Variants in CYTH1 observed in about 807,000 individuals in gnomAD.
CYTH1 encodes the protein cytohesin 1, also known as cytohesin-1.
Under a neutral mutation model 61.8 loss-of-function variants are expected in CYTH1, and 18 were observed. The ratio of observed to expected loss-of-function variants is 0.29; its 90% CI spans 0.20 to 0.43. The LOEUF is 0.43. Among genes scored for constraint, CYTH1 ranks in the 20% least tolerant of loss-of-function variants. The pLI is 1.00. For synonymous variants in CYTH1, 174 were observed against 184.3 expected (o/e 0.94, Z 0.45); for missense variants, 336 against 510.5 (o/e 0.66, Z 3.29).
intron 1 of CYTH1, among the ~76,000 whole-genome samples, chr17:78,748,574 G>T (rs1356960245): frequency 6.6e-6 from 1 of 152,190 alleles, no homozygotes; most frequent in Non-Finnish European, 1.5e-5. Flanking sequence ...TCTGAAGAAG[G>T]GGGTAAGGGA....
At chr17:78,724,167 T>C (rs1248477132) in intron 1 of CYTH1, 1 of 152,052 alleles carries the variant, frequency 6.6e-6, no homozygotes, top group Admixed American at 6.5e-5. Context: ...TGACAAGAAA[T>C]ATGGCTACAG....
chr17:78,769,337 T>C (rs961911834), intron 1 of CYTH1, among the ~76,000 whole-genome samples: 2 of 151,756 alleles, frequency 1.3e-5, no homozygotes, highest in African/African-American at 4.8e-5. Context: ...CAAAGAACCA[T>C]TTGTAGCTCC....
chr17:78,741,030 G>A (rs1157815571), intron 1 of CYTH1, among the ~76,000 whole-genome samples: 1 of 152,186 alleles, frequency 6.6e-6, no homozygotes. Flanking sequence ...AGCTAGCACA[G>A]GCCCTATGAA....
chr17:78,768,829 C>T (rs1412037905), intron 1 of CYTH1, among the ~76,000 whole-genome samples: 1 of 151,992 alleles, frequency 6.6e-6, no homozygotes, highest in African/African-American at 2.4e-5. Context: ...CTTTCTCTCT[C>T]CCTTCCCCCT....
At chr17:78,680,829 G>A (rs2092753369) in intron 12 of CYTH1, 142 bp downstream of exon 12, 1 of 840,182 alleles carries the variant, frequency 1.2e-6, no homozygotes, top group Non-Finnish European at 1.9e-6. Context: ...TCTCATCTTT[G>A]GCTTGAACAA....
Position 78,675,600 on chromosome 17 carries a change from G to A in CYTH1, c.*491C>T. On this transcript the variant is annotated 3_prime_UTR_variant, in exon 14 of 14. Coordinates refer to ENST00000446868, the MANE Select transcript of CYTH1 (RefSeq NM_004762.6). ...GAAGCTCCCCAGCGCAGCCAGGGCA[G>A]AATGCACCTGAACAGCCCTACGTTC... 4.7e-6 allele frequency: 1 copy of A among 214,642 alleles called. No homozygotes were observed. Among genetic ancestry groups the A allele is most frequent in the Non-Finnish European group, 9.1e-6 (1 of 109,980 alleles). The allele number at this position is 214,642 out of a possible 1,614,324, so 13.3% of individuals were successfully genotyped here. A position where few individuals can be genotyped will look rare whatever the true frequency, so the allele number is the denominator to read the frequency against.
chr17:78,778,658 A>G (rs866600709), intron 1 of CYTH1, among the ~76,000 whole-genome samples: 53 of 151,246 alleles, frequency 3.5e-4, no homozygotes, highest in Non-Finnish European at 6.6e-4. Context: ...AAAAAAAAAA[A>G]AAAGAAAGAA....
At chr17:78,720,044 T>C (rs2093214766) in intron 1 of CYTH1, among the ~76,000 whole-genome samples, 1 of 152,094 alleles carries the variant, frequency 6.6e-6, no homozygotes, top group African/African-American at 2.4e-5. Flanking sequence ...CCTGGAGTAG[T>C]CAAACTACCA....
chr17:78,719,532 A>C (rs2093210769), intron 1 of CYTH1, among the ~76,000 whole-genome samples: 2 of 152,220 alleles, frequency 1.3e-5, no homozygotes, highest in African/African-American at 4.8e-5. Flanking sequence ...CACTGAGAAA[A>C]GTAATTTTCA....
chr17:78,778,306 AAAAAAAAAAAAAAAG>A (rs1009727956), intron 1 of CYTH1, among the ~76,000 whole-genome samples: 14 of 144,004 alleles, frequency 9.7e-5, no homozygotes, highest in East Asian at 2.0e-4. Flanking sequence ...TCAAAAAAAA[AAAAAAAAAAAAAAAG>A]GGAAAAAAAA....
intron 1 of CYTH1, among the ~76,000 whole-genome samples, chr17:78,722,444 A>C (rs2093236821): frequency 6.6e-6 from 1 of 152,130 alleles, no homozygotes; most frequent in African/African-American, 2.4e-5. Context: ...GAAAGCCTGG[A>C]GTTCCCTCTT....
At chr17:78,720,298 C>A (rs1011219719) in intron 1 of CYTH1, among the ~76,000 whole-genome samples, 2 of 152,010 alleles carry the variant, frequency 1.3e-5, no homozygotes, top group Non-Finnish European at 2.9e-5. Flanking sequence ...CCTATAATAC[C>A]CCCGGCACTT....
chr17:78,767,316 C>A, intron 1 of CYTH1, among the ~76,000 whole-genome samples: 1 of 152,106 alleles, frequency 6.6e-6, no homozygotes, highest in East Asian at 1.9e-4. Flanking sequence ...TTTTTTAAAA[C>A]CATTTTTTTT....
intron 1 of CYTH1, among the ~76,000 whole-genome samples, chr17:78,726,543 G>A (rs940140608): frequency 6.6e-6 from 1 of 152,158 alleles, no homozygotes; most frequent in African/African-American, 2.4e-5. Context: ...CTGTCTGCAA[G>A]GTGCTATGCG....
Position 78,693,620 on chromosome 17 carries a change from C to CA in CYTH1, c.815-1128dup, listed in dbSNP as rs1256482874. On this transcript the variant is annotated intron_variant, in intron 10 of 13. Coordinates refer to ENST00000446868, the MANE Select transcript of CYTH1 (RefSeq NM_004762.6). ...TGGGTGACACAGGGAGACTCCCTCT[C>CA]AAAAAAAAAGAAAAAAAAAAGAAAA... Among the ~76,000 whole-genome samples the CA allele has an allele frequency of 8.1e-3, 859 of 105,918 alleles. 10 individuals are homozygous for CA. Among genetic ancestry groups the CA allele is most frequent in the African/African-American group, 0.027 (766 of 27,932 alleles). 69.5% of individuals were successfully genotyped at this position (105,918 alleles called of 152,430 possible).
intron 1 of CYTH1, among the ~76,000 whole-genome samples, chr17:78,759,574 A>G (rs1332834006): frequency 6.6e-6 from 1 of 152,236 alleles, no homozygotes; most frequent in Non-Finnish European, 1.5e-5. Context: ...ATAAAGGAGT[A>G]AAAACAAAAA....
At chr17:78,781,330 CTT>C (rs1387845375) in intron 1 of CYTH1, among the ~76,000 whole-genome samples, 2 of 152,264 alleles carry the variant, frequency 1.3e-5, no homozygotes, top group Non-Finnish European at 2.9e-5. Flanking sequence ...CATGAACAAA[CTT>C]AATAAATTAA....
At chr17:78,699,938 A>C (rs2092990870) in intron 7 of CYTH1, among the ~76,000 whole-genome samples, 1 of 152,022 alleles carries the variant, frequency 6.6e-6, no homozygotes, top group Non-Finnish European at 1.5e-5. Flanking sequence ...TACAGGCATA[A>C]GCCACCACAC....
At chr17:78,744,891 T>C (rs563495317) in intron 1 of CYTH1, among the ~76,000 whole-genome samples, 1 of 151,658 alleles carries the variant, frequency 6.6e-6, no homozygotes, top group Non-Finnish European at 1.5e-5. Flanking sequence ...CTTTGTTTTA[T>C]GTACACAATT....
Sources: allele counts gnomAD v4.1 joint callset (sites outside exome capture counted in the v4.1 genomes callset), GRCh38; gene constraint gnomAD v4.1.1; transcripts MANE v1.5; gene names NCBI Gene and HGNC (gene_info 2026-07-23, HGNC 2026-07-21).